Variants in PRKN observed in about 807,000 individuals in gnomAD.
PRKN encodes the protein parkin RBR E3 ubiquitin protein ligase.
A neutral mutation model predicts 59.5 loss-of-function variants in PRKN; 56 were observed. The observed-to-expected ratio is 0.94, with a 90% CI of 0.76 to 1.18. The LOEUF is 1.18. Ranked by LOEUF, PRKN falls within the 50% of genes most tolerant of loss-of-function variation. The probability of loss-of-function intolerance (pLI) is 0.00; values close to 1 mark genes in which losing one functional copy is unlikely to be tolerated. For synonymous variants in PRKN, 250 were observed against 222.1 expected (o/e 1.13, Z -1.12); for missense variants, 657 against 596.4 (o/e 1.10, Z -1.06).
chr6:161,962,605 C>T (rs574082301), intron 6 of PRKN, among the ~76,000 whole-genome samples: 40 of 150,134 alleles, frequency 2.7e-4, no homozygotes, highest in Non-Finnish European at 3.7e-4. Context: ...GGCACAATCT[C>T]GGCTCACTGC....
intron 2 of PRKN, among the ~76,000 whole-genome samples, chr6:162,320,719 C>G (rs184736727): frequency 6.6e-6 from 1 of 151,710 alleles, no homozygotes; most frequent in East Asian, 1.9e-4. Flanking sequence ...AGCCATTCCA[C>G]TCTTAGGTAT....
intron 5 of PRKN, among the ~76,000 whole-genome samples, chr6:161,984,644 CCTTTATTAT>C (rs1781370315): frequency 1.3e-5 from 2 of 152,100 alleles, no homozygotes; most frequent in African/African-American, 4.8e-5. Flanking sequence ...CAAGGATTTT[CCTTTATTAT>C]CTTTATTATC....
At position 161,359,649 on chromosome 6, in the gene PRKN, C is replaced by T. The variant is rs955950425; in HGVS notation, c.1285+439G>A. On this transcript the variant is annotated intron_variant, in intron 11 of 11. Coordinates refer to ENST00000366898, the MANE Select transcript of PRKN (RefSeq NM_004562.3). The surrounding 1 kb of genome is among the most constrained non-coding windows in gnomAD (Gnocchi z 5.4). ...GGCCACAGGGATCTTTAAATATAGA[C>T]GAGGGTTTAATTTTGAATAATGTTG... 1.4e-4 allele frequency among the ~76,000 whole-genome samples: 21 copies of T among 152,066 alleles called. No homozygotes were observed. The highest frequency in any genetic ancestry group is 4.8e-4 in the African/African-American group (20 of 41,380).
intron 1 of PRKN, among the ~76,000 whole-genome samples, chr6:162,487,177 C>T (rs527525243): frequency 1.2e-4 from 19 of 152,302 alleles, no homozygotes; most frequent in Admixed American, 1.2e-3. Context: ...AAGATATGAA[C>T]TCTACCTCCT....
chr6:161,697,442 A>G (rs909903821), intron 7 of PRKN, among the ~76,000 whole-genome samples: 4 of 152,154 alleles, frequency 2.6e-5, no homozygotes, highest in Admixed American at 6.5e-5. Flanking sequence ...AGCACTCTTT[A>G]CTCACAGCCC....
At chr6:162,516,435 T>C (rs1419764719) in intron 1 of PRKN, among the ~76,000 whole-genome samples, 1 of 152,142 alleles carries the variant, frequency 6.6e-6, no homozygotes, top group Non-Finnish European at 1.5e-5. Context: ...CCTGTATCAC[T>C]ACTCGGTTAT....
chr6:161,540,468 A>G (rs1779577823), intron 9 of PRKN, among the ~76,000 whole-genome samples: 1 of 152,204 alleles, frequency 6.6e-6, no homozygotes, highest in Non-Finnish European at 1.5e-5. Flanking sequence ...TACTGTAAAA[A>G]TAAATTGTAG....
At chr6:162,136,389 C>T (rs1360507853) in intron 4 of PRKN, among the ~76,000 whole-genome samples, 2 of 152,024 alleles carry the variant, frequency 1.3e-5, no homozygotes, top group African/African-American at 4.8e-5. Context: ...TTGAATCAGC[C>T]CAAGTAAGCC....
At chr6:162,559,778 T>C (rs1391357066) in intron 1 of PRKN, among the ~76,000 whole-genome samples, 2 of 152,192 alleles carry the variant, frequency 1.3e-5, no homozygotes, top group African/African-American at 4.8e-5. Flanking sequence ...CAGTATTCCT[T>C]ACCAATAAGC....
chr6:162,496,670 C>A (rs1024372097), intron 1 of PRKN, among the ~76,000 whole-genome samples: 3 of 152,142 alleles, frequency 2.0e-5, no homozygotes, highest in Non-Finnish European at 4.4e-5. Flanking sequence ...GTGTTATTTT[C>A]CATTTAAGCC....
At chr6:162,614,101 G>C (rs1047723256) in intron 1 of PRKN, among the ~76,000 whole-genome samples, 1 of 152,082 alleles carries the variant, frequency 6.6e-6, no homozygotes, top group African/African-American at 2.4e-5. Context: ...GTATTTGTAG[G>C]AGTCAAATGA....
At chr6:162,709,588 T>C (rs1778454520) in intron 1 of PRKN, among the ~76,000 whole-genome samples, 1 of 152,166 alleles carries the variant, frequency 6.6e-6, no homozygotes, top group African/African-American at 2.4e-5. Context: ...CAAGGGCAAT[T>C]GATGCCAATA....
chr6:162,483,551 C>T (rs111254855), intron 1 of PRKN, among the ~76,000 whole-genome samples: 2 of 113,472 alleles, frequency 1.8e-5, no homozygotes, highest in East Asian at 2.5e-4. Flanking sequence ...AAAGAAGGGA[C>T]GTAGGGAAGG....
intron 6 of PRKN, among the ~76,000 whole-genome samples, chr6:161,891,289 A>C (rs1795334769): frequency 6.6e-6 from 1 of 152,136 alleles, no homozygotes; most frequent in African/African-American, 2.4e-5. Flanking sequence ...GCCCCGAGGA[A>C]ACACTAGGCA....
At chr6:162,647,129 A>G (rs1024624865) in intron 1 of PRKN, among the ~76,000 whole-genome samples, 2 of 152,046 alleles carry the variant, frequency 1.3e-5, no homozygotes, top group African/African-American at 4.8e-5. Flanking sequence ...AACACTGAGC[A>G]ATTTCTCATC....
At chr6:161,848,173 A>C (rs897613598) in intron 6 of PRKN, among the ~76,000 whole-genome samples, 22 of 152,006 alleles carry the variant, frequency 1.4e-4, no homozygotes, top group Non-Finnish European at 2.4e-4. Context: ...ATTTCGCCTT[A>C]TTTCTTTCTT....
chr6:161,876,893 T>G (rs1490163623), intron 6 of PRKN, among the ~76,000 whole-genome samples: 3 of 152,160 alleles, frequency 2.0e-5, no homozygotes, highest in African/African-American at 7.2e-5. Context: ...TCTTTCATAT[T>G]CAATTCAAAA....
chr6:161,535,224 T>C (rs1405986687), intron 9 of PRKN, among the ~76,000 whole-genome samples: 1 of 152,210 alleles, frequency 6.6e-6, no homozygotes, highest in African/African-American at 2.4e-5. Context: ...CACCTTTTAA[T>C]AGAAGGGGCG....
rs188030006 is a variant in PRKN at position 161,741,902 on chromosome 6, G to A, written c.871+43870C>T. 5.4e-3 allele frequency among the ~76,000 whole-genome samples: 825 copies of A among 152,048 alleles called. 11 individuals carry two copies. The highest frequency in any genetic ancestry group is 0.017 in the African/African-American group (725 of 41,448). The stretch of plus-strand genomic sequence containing the variant: ...TCATGGGGGTGGTTTCCCCCATACT[G>A]TTCTCATGGTAGTGAATAAGTCTCA... On this transcript the variant is annotated intron_variant, in intron 7 of 11. Coordinates refer to ENST00000366898, the MANE Select transcript of PRKN (RefSeq NM_004562.3).
Sources: allele counts gnomAD v4.1 joint callset (sites outside exome capture counted in the v4.1 genomes callset), GRCh38; gene constraint gnomAD v4.1.1; non-coding constraint Gnocchi (gnomAD v3.1); transcripts MANE v1.5; gene names NCBI Gene and HGNC (gene_info 2026-07-23, HGNC 2026-07-21).